The following MCTP2 variants were observed in gnomAD, a reference collection of about 807,000 sequenced individuals.
MCTP2 encodes multiple C2 and transmembrane domain containing 2.
In MCTP2, 132 loss-of-function variants were observed where a neutral mutation model predicts 111.6. That is an observed-to-expected ratio of 1.18 (90% CI 1.03 to 1.37). The LOEUF is 1.37. Ranked by LOEUF, MCTP2 falls within the 40% of genes most tolerant of loss-of-function variation. MCTP2 has a pLI of 0.00. For synonymous variants in MCTP2, 395 were observed against 387.7 expected (o/e 1.02, Z -0.22); for missense variants, 1,183 against 1,067.9 (o/e 1.11, Z -1.50).
intron 1 of MCTP2, among the ~76,000 whole-genome samples, chr15:94,246,657 G>A (rs938443791): frequency 2.0e-5 from 3 of 152,152 alleles, no homozygotes; most frequent in Admixed American, 2.0e-4. Context: ...ATCATTCTAA[G>A]CCTTTGTTCT....
intron 17 of MCTP2, among the ~76,000 whole-genome samples, chr15:94,420,403 G>A (rs1040924737): frequency 6.6e-6 from 1 of 152,180 alleles, no homozygotes; most frequent in Middle Eastern, 3.4e-3. Flanking sequence ...TAAAATGATA[G>A]CCGTCATTGA....
rs192627954 is a variant in MCTP2 at position 94,452,860 on chromosome 15, T to C, written c.2251-5277T>C. 7.9e-5 allele frequency among the ~76,000 whole-genome samples: 12 copies of C among 152,328 alleles called. No homozygotes were observed. The East Asian group carries it at 2.3e-3, about 29-fold the overall frequency. ...CAAAAACTACATTTACTGCTAATCA[T>C]AAAGATACCTGAGCTCAGATGGAAA... On this transcript the variant is annotated intron_variant, in intron 19 of 22. Coordinates refer to ENST00000357742, the MANE Select transcript of MCTP2 (RefSeq NM_001385001.1).
At chr15:94,310,799 G>C (rs1387978913) in intron 2 of MCTP2, among the ~76,000 whole-genome samples, 1 of 151,456 alleles carries the variant, frequency 6.6e-6, no homozygotes, top group Non-Finnish European at 1.5e-5. Context: ...ACTTAGCCAA[G>C]TGTGATGGTG....
intron 1 of MCTP2, among the ~76,000 whole-genome samples, chr15:94,262,818 C>T (rs2073268939): frequency 6.6e-6 from 1 of 151,982 alleles, no homozygotes; most frequent in Non-Finnish European, 1.5e-5. Context: ...TTACAGCCAC[C>T]TACCACAATG....
Position 94,367,706 on chromosome 15 carries a change from C to A in MCTP2, c.1403C>A (p.Thr468Lys). 1.2e-6 allele frequency: 2 copies of A among 1,611,100 alleles called. No individual in the cohort carries two copies. Among genetic ancestry groups the A allele is most frequent in the East Asian group, 2.2e-5 (1 of 44,598 alleles). The part of the protein sequence containing the change: ...LGALLMLVTL[T>K]PCAGVSVSDL... ...GCTCTCCTTATGTTGGTCACACTTA[C>A]ACCCTGTGCGGGGGTCTCCGTCTCT... The change falls in exon 11 of 23, where the codon ACA (threonine) becomes AAA (lysine). Residue 468 changes from threonine to lysine, a missense_variant. Thr to Lys is a moderately conservative substitution (Grantham distance 78). Coordinates refer to ENST00000357742, the MANE Select transcript of MCTP2 (RefSeq NM_001385001.1).
chr15:94,385,106 C>CAA (rs1157677121), intron 13 of MCTP2, among the ~76,000 whole-genome samples: 2 of 152,200 alleles, frequency 1.3e-5, no homozygotes, highest in Non-Finnish European at 1.5e-5. Context: ...TTTGGTTGGA[C>CAA]ACTCTGCTAA....
chr15:94,427,187 A>T (rs1333754169), intron 17 of MCTP2, among the ~76,000 whole-genome samples: 2 of 152,104 alleles, frequency 1.3e-5, no homozygotes, highest in Non-Finnish European at 2.9e-5. Flanking sequence ...GTTACCATGC[A>T]TGCACTCCAA....
At chr15:94,349,258 C>G (rs532579301) in intron 8 of MCTP2, among the ~76,000 whole-genome samples, 1 of 152,202 alleles carries the variant, frequency 6.6e-6, no homozygotes, top group South Asian at 2.1e-4. Flanking sequence ...ACTTTCAAAG[C>G]TTGTATGTAC....
chr15:94,252,429 T>C (rs1455764), intron 1 of MCTP2, among the ~76,000 whole-genome samples: 65,334 of 151,986 alleles, frequency 0.43, 14,377 homozygotes, highest in Middle Eastern at 0.58. Flanking sequence ...ACCTTTTGAA[T>C]TGTCATTGTA....
chr15:94,333,537 G>A (rs2077223852), intron 4 of MCTP2, among the ~76,000 whole-genome samples: 1 of 152,052 alleles, frequency 6.6e-6, no homozygotes, highest in Admixed American at 6.5e-5. Flanking sequence ...GCTGTTCAAT[G>A]TGATATTGAC....
intron 14 of MCTP2, 151 bp from the exon 15 acceptor site, chr15:94,398,810 G>A: frequency 3.7e-6 from 2 of 537,228 alleles, no homozygotes; most frequent in South Asian, 2.5e-5. Flanking sequence ...AAAGTAAAAG[G>A]CGATTTATGG....
intron 5 of MCTP2, 142 bp from the exon 6 acceptor site, chr15:94,340,057 C>T (rs1596403223): frequency 1.6e-6 from 1 of 625,626 alleles, no homozygotes; most frequent in Admixed American, 3.2e-5. Flanking sequence ...GACTAAATTT[C>T]TCTTTAACTA....
chr15:94,455,029 C>G (rs1338732693), intron 19 of MCTP2, among the ~76,000 whole-genome samples: 2 of 152,188 alleles, frequency 1.3e-5, no homozygotes, highest in Non-Finnish European at 2.9e-5. Flanking sequence ...ACCATGTTGG[C>G]AAGGCTGGTC....
At chr15:94,350,855 C>T (rs16948984) in intron 8 of MCTP2, among the ~76,000 whole-genome samples, 15,955 of 151,996 alleles carry the variant, frequency 0.1, 1,395 homozygotes, top group African/African-American at 0.24. Context: ...TCACATGGCC[C>T]TTGTTGTTGT....
At chr15:94,280,674 G>C (rs2074435213) in intron 1 of MCTP2, among the ~76,000 whole-genome samples, 1 of 151,954 alleles carries the variant, frequency 6.6e-6, no homozygotes, top group African/African-American at 2.4e-5. Flanking sequence ...GTTCCTCTAA[G>C]TGTGATGTTA....
At chr15:94,335,140 T>C (rs2152395578) in intron 4 of MCTP2, among the ~76,000 whole-genome samples, 2 of 151,984 alleles carry the variant, frequency 1.3e-5, no homozygotes, top group Middle Eastern at 6.8e-3. Flanking sequence ...CTCTTTCTTC[T>C]TTCTTCTAAA....
chr15:94,374,382 C>T (rs1175344391), intron 12 of MCTP2, among the ~76,000 whole-genome samples: 1 of 152,170 alleles, frequency 6.6e-6, no homozygotes, highest in Non-Finnish European at 1.5e-5. Context: ...TTGCTCAGCA[C>T]ATGTGTGCAG....
At chr15:94,372,852 A>T (rs976744278) in intron 12 of MCTP2, among the ~76,000 whole-genome samples, 1 of 152,106 alleles carries the variant, frequency 6.6e-6, no homozygotes, top group African/African-American at 2.4e-5. Flanking sequence ...CATGGTGCAA[A>T]AGGGAACCTT....
intron 4 of MCTP2, among the ~76,000 whole-genome samples, chr15:94,324,182 T>C (rs1268634622): frequency 6.6e-6 from 1 of 152,206 alleles, no homozygotes; most frequent in African/African-American, 2.4e-5. Flanking sequence ...TTCTGGCGTC[T>C]TAGAGCTGGT....
Sources: gnomAD v4.1 joint callset for allele counts (sites outside exome capture counted in the v4.1 genomes callset) on GRCh38, gnomAD v4.1.1 for gene constraint, MANE v1.5 for transcripts, NCBI Gene and HGNC (gene_info 2026-07-23, HGNC 2026-07-21) for gene names.